The following MATCAP1 variants were observed in gnomAD, a reference collection of about 807,000 sequenced individuals.
MATCAP1 encodes the protein microtubule-associated tyrosine carboxypeptidase 1.
the MATCAP1 span, chr16:67,176,963 C>A: frequency 6.4e-7 from 1 of 1,557,448 alleles, no homozygotes. This position sits in a 1 kb window ranked among gnomAD's most constrained non-coding sequence, Gnocchi z 4.3. Context: ...TGGTCCACAT[C>A]CTCATAGGAC....
At chr16:67,178,280 C>G in the MATCAP1 span, 8 of 1,574,486 alleles carry the variant, frequency 5.1e-6, no homozygotes, top group Non-Finnish European at 6.9e-6. Context: ...ACGTAGCGCT[C>G]CAGGTCCTGG....
At chr16:67,183,616 T>G in the MATCAP1 span, 1 of 152,326 alleles carries the variant, frequency 6.6e-6, no homozygotes, top group Non-Finnish European at 1.5e-5. Context: ...CGGGGTCTAG[T>G]GACAAATGAG....
chr16:67,179,974 C>A, the MATCAP1 span: 6 of 1,614,112 alleles, frequency 3.7e-6, no homozygotes, highest in Non-Finnish European at 5.1e-6. The surrounding 1 kb of genome is among the most constrained non-coding windows in gnomAD (Gnocchi z 5.2). Context: ...CACGGGGCCA[C>A]AGTGGCTGGT....
the MATCAP1 span, among the ~76,000 whole-genome samples, chr16:67,182,109 C>T: frequency 6.6e-6 from 1 of 152,114 alleles, no homozygotes; most frequent in Admixed American, 6.5e-5. Context: ...ATTAGCTGGG[C>T]GTGGTGGCAC....
At chr16:67,183,204 T>G in the MATCAP1 span, 1 of 152,132 alleles carries the variant, frequency 6.6e-6, no homozygotes, top group Non-Finnish European at 1.5e-5. Context: ...TCCTCACCCC[T>G]TTACAGGTTT....
the MATCAP1 span, among the ~76,000 whole-genome samples, chr16:67,182,040 C>T: frequency 1.3e-5 from 2 of 152,254 alleles, no homozygotes; most frequent in South Asian, 4.1e-4. Context: ...CACCTGAGGT[C>T]GGGAGTTCGA....
chr16:67,178,292 A>G, the MATCAP1 span: 1 of 1,580,274 alleles, frequency 6.3e-7, no homozygotes, highest in Non-Finnish European at 8.6e-7. Context: ...AGGTCCTGGA[A>G]GAGCTGACGG....
chr16:67,178,154 C>T, the MATCAP1 span: 4 of 1,519,260 alleles, frequency 2.6e-6, no homozygotes, highest in Admixed American at 1.9e-5. Context: ...CCCGAAGCCC[C>T]GCCCCCACCC....
At chr16:67,180,252 G>C in the MATCAP1 span, 2 of 1,613,232 alleles carry the variant, frequency 1.2e-6, no homozygotes, top group Non-Finnish European at 1.7e-6. Context: ...AGCAATGTGA[G>C]GCAGGGAGGC....
chr16:67,179,934 G>T, the MATCAP1 span: 1 of 1,614,218 alleles, frequency 6.2e-7, no homozygotes, highest in Non-Finnish European at 8.5e-7. The surrounding 1 kb of genome is among the most constrained non-coding windows in gnomAD (Gnocchi z 5.2). Flanking sequence ...AACTTCTCCA[G>T]AACAGCCTCA....
chr16:67,182,873 C>T, the MATCAP1 span, among the ~76,000 whole-genome samples: 10 of 152,130 alleles, frequency 6.6e-5, no homozygotes, highest in Non-Finnish European at 1.0e-4. Context: ...CAGTCATCAC[C>T]ATCTGGAGTG....
At chr16:67,179,590 G>C in the MATCAP1 span, 12 of 1,599,972 alleles carry the variant, frequency 7.5e-6, no homozygotes, top group East Asian at 2.2e-4. This position sits in a 1 kb window ranked among gnomAD's most constrained non-coding sequence, Gnocchi z 5.2. Flanking sequence ...CTGAGCCATG[G>C]CCACCAGCCT....
At chr16:67,177,091 T>C in the MATCAP1 span, 1 of 837,162 alleles carries the variant, frequency 1.2e-6, no homozygotes, top group African/African-American at 1.8e-5. Flanking sequence ...TCCTCTCCCC[T>C]CCTGATCCAC....
chr16:67,179,742 G>C, the MATCAP1 span: 43 of 1,594,246 alleles, frequency 2.7e-5, no homozygotes, highest in Non-Finnish European at 3.7e-5. This position sits in a 1 kb window ranked among gnomAD's most constrained non-coding sequence, Gnocchi z 5.2. Context: ...CAGGTGTGGA[G>C]CTGGACCTGG....
At chr16:67,176,708 A>G in the MATCAP1 span, 1 of 1,153,662 alleles carries the variant, frequency 8.7e-7, no homozygotes, top group Non-Finnish European at 1.2e-6. The surrounding 1 kb of genome is among the most constrained non-coding windows in gnomAD (Gnocchi z 4.3). Context: ...CAACACCCCC[A>G]AGAAACACCT....
the MATCAP1 span, among the ~76,000 whole-genome samples, chr16:67,177,337 C>T: frequency 6.6e-6 from 1 of 152,180 alleles, no homozygotes; most frequent in Admixed American, 6.5e-5. Context: ...TATGCCAGCT[C>T]CACCCTCTTT....
the MATCAP1 span, among the ~76,000 whole-genome samples, chr16:67,180,849 G>A: frequency 1.3e-5 from 2 of 152,186 alleles, no homozygotes; most frequent in Non-Finnish European, 2.9e-5. Flanking sequence ...TGGGCCGGAA[G>A]AAAGCACTTT....
the MATCAP1 span, chr16:67,180,241 T>G: frequency 1.9e-6 from 3 of 1,613,816 alleles, no homozygotes; most frequent in Non-Finnish European, 2.5e-6. Flanking sequence ...CTTTGAGTCT[T>G]AGCAATGTGA....
chr16:67,178,047 T>C, the MATCAP1 span: 1 of 1,614,210 alleles, frequency 6.2e-7, no homozygotes, highest in Non-Finnish European at 8.5e-7. Context: ...ATCGATGGTC[T>C]GGCGATGTCG....
Sources: allele counts gnomAD v4.1 joint callset (sites outside exome capture counted in the v4.1 genomes callset), GRCh38; gene constraint gnomAD v4.1.1; non-coding constraint Gnocchi (gnomAD v3.1); transcripts MANE v1.5; gene names NCBI Gene and HGNC (gene_info 2026-07-23, HGNC 2026-07-21).